Variants in NFATC2 observed in about 807,000 individuals in gnomAD.
The protein encoded by NFATC2 is nuclear factor of activated T cells 2, also known as nuclear factor of activated T-cells, cytoplasmic 2.
Under a neutral mutation model 87.3 loss-of-function variants are expected in NFATC2, and 22 were observed. The observed-to-expected ratio is 0.25, with a 90% CI of 0.18 to 0.36. The LOEUF is 0.36. Ranked by LOEUF, NFATC2 falls within the 10% of genes least tolerant of loss-of-function variation. The pLI, the probability that NFATC2 is intolerant of heterozygous loss-of-function variation, is 1.00. For synonymous variants in NFATC2, 565 were observed against 542.2 expected (o/e 1.04, Z -0.58); for missense variants, 1,149 against 1,259.1 (o/e 0.91, Z 1.32).
Position 51,432,795 on chromosome 20 carries a change from G to A in NFATC2, c.2033-39C>T, listed in dbSNP as rs1568970129. 3 of 1,506,398 alleles carry A rather than the reference G, an allele frequency of 2.0e-6. No individual in the cohort carries two copies. The highest frequency in any genetic ancestry group is 2.6e-6 in the Non-Finnish European group (3 of 1,133,338). The allele number at this position is 1,506,398 out of a possible 1,614,324, so 93.3% of individuals were successfully genotyped here. A position where few individuals can be genotyped will look rare whatever the true frequency, so the allele number is the denominator to read the frequency against. ...AGAGCACATAGGGGCGCCCATGGCA[G>A]TGAGCCACGGATGTGCACGGAGGAT... is the stretch of plus-strand genomic sequence containing the variant. On this transcript the variant is annotated intron_variant, in intron 8 of 10. Coordinates refer to ENST00000371564, the MANE Select transcript of NFATC2 (RefSeq NM_012340.5). The surrounding 1 kb of genome is among the most constrained non-coding windows in gnomAD (Gnocchi z 4.6).
At chr20:51,434,607 A>G (rs1466236434) in intron 8 of NFATC2, among the ~76,000 whole-genome samples, 1 of 152,242 alleles carries the variant, frequency 6.6e-6, no homozygotes, top group Non-Finnish European at 1.5e-5. Flanking sequence ...CTTACCCTGT[A>G]GTGTTCACAG....
At chr20:51,554,821 G>A (rs1202803468) in intron 1 of NFATC2, among the ~76,000 whole-genome samples, 1 of 152,186 alleles carries the variant, frequency 6.6e-6, no homozygotes, top group Non-Finnish European at 1.5e-5. Context: ...TCTGGATCAA[G>A]ATGAAACCCA....
At chr20:51,518,825 T>C (rs967595919) in intron 2 of NFATC2, among the ~76,000 whole-genome samples, 5 of 152,218 alleles carry the variant, frequency 3.3e-5, no homozygotes, top group African/African-American at 1.2e-4. Flanking sequence ...TTTTAAAATA[T>C]GGGCTCTTGC....
intron 8 of NFATC2, among the ~76,000 whole-genome samples, chr20:51,433,316 C>G (rs1983052310): frequency 6.6e-6 from 1 of 152,168 alleles, no homozygotes; most frequent in South Asian, 2.1e-4. Context: ...ACAAAGGAAT[C>G]AGCAAAGTGA....
At chr20:51,416,381 T>C (rs1339933461) in intron 9 of NFATC2, among the ~76,000 whole-genome samples, 2 of 152,120 alleles carry the variant, frequency 1.3e-5, no homozygotes, top group Non-Finnish European at 2.9e-5. Context: ...TCTGCCTGGG[T>C]AGGGCACAGC....
chr20:51,501,766 A>G (rs550705516), intron 3 of NFATC2, among the ~76,000 whole-genome samples: 3 of 152,116 alleles, frequency 2.0e-5, no homozygotes, highest in Non-Finnish European at 4.4e-5. Context: ...CCTCCACGAG[A>G]GCTCGGGATT....
chr20:51,431,315 C>A (rs551937678), intron 9 of NFATC2, among the ~76,000 whole-genome samples: 4 of 152,184 alleles, frequency 2.6e-5, no homozygotes, highest in Admixed American at 6.5e-5. Context: ...CTTAGCAATG[C>A]GGTTTGTCCT....
chr20:51,546,500 T>C (rs2146821293), upstream of NFATC2, among the ~76,000 whole-genome samples: 1 of 152,334 alleles, frequency 6.6e-6, no homozygotes, highest in South Asian at 2.1e-4. Flanking sequence ...GATGGTGATC[T>C]TCACAGGGCA....
intron 9 of NFATC2, among the ~76,000 whole-genome samples, chr20:51,428,511 G>A (rs899717542): frequency 6.6e-6 from 1 of 152,218 alleles, no homozygotes; most frequent in African/African-American, 2.4e-5. Flanking sequence ...CAAGCCAGCC[G>A]GCGTCTGTGT....
intron 6 of NFATC2, among the ~76,000 whole-genome samples, chr20:51,438,648 G>A (rs1983912424): frequency 6.6e-6 from 1 of 152,174 alleles, no homozygotes; most frequent in Non-Finnish European, 1.5e-5. Flanking sequence ...ACCAAGAGGA[G>A]AGTTCTCATG....
At chr20:51,397,385 G>C (rs1038652295) in intron 10 of NFATC2, among the ~76,000 whole-genome samples, 1 of 152,148 alleles carries the variant, frequency 6.6e-6, no homozygotes, top group Non-Finnish European at 1.5e-5. Flanking sequence ...CAGAGCTGTG[G>C]GTGGGGTCTG....
intron 9 of NFATC2, among the ~76,000 whole-genome samples, chr20:51,407,833 A>G (rs1978565848): frequency 1.3e-5 from 2 of 152,244 alleles, no homozygotes; most frequent in African/African-American, 4.8e-5. Context: ...AAGAAGGAGA[A>G]ATTGTTTCTT....
chr20:51,393,956 C>T (rs920837365), intron 10 of NFATC2, among the ~76,000 whole-genome samples: 1 of 152,020 alleles, frequency 6.6e-6, no homozygotes, highest in African/African-American at 2.4e-5. Context: ...TTTCCCTCTT[C>T]TTGGATGGAA....
In NFATC2 at chr20:51,431,052, G is replaced by C. The variant is rs142064279; in HGVS notation, c.2722+1015C>G. On this transcript the variant is annotated intron_variant, in intron 9 of 10. Transcript: ENST00000371564. ...AGTGTCATGGGCTTTGCAACTCGAT[G>C]GATAAACGCTTGAGGGGATGGATAC... 1.3e-4 allele frequency among the ~76,000 whole-genome samples: 20 copies of C among 152,224 alleles called. No individual in the cohort carries two copies. The East Asian group carries it at 2.7e-3, about 21-fold the overall frequency.
Position 51,390,929 on chromosome 20 carries a change from C to T in NFATC2, c.*567G>A, listed in dbSNP as rs1039983929. ...GCCTGTAAGCTGGGCTCTTGGGTCA[C>T]GTTCCTTTGGTTGCTCTGAGAACTC... On this transcript the variant is annotated 3_prime_UTR_variant, in exon 11 of 11. Transcript: ENST00000371564. 6 of 222,442 alleles carry T rather than the reference C, an allele frequency of 2.7e-5. No individual in the cohort carries two copies. Among genetic ancestry groups the T allele is most frequent in the Admixed American group, 5.1e-5 (1 of 19,692 alleles). 13.8% of individuals were successfully genotyped at this position (222,442 alleles called of 1,614,324 possible).
At chr20:51,483,612 C>A (rs1264226715) in intron 3 of NFATC2, among the ~76,000 whole-genome samples, 2 of 149,292 alleles carry the variant, frequency 1.3e-5, no homozygotes, top group Non-Finnish European at 3.0e-5. Context: ...CCTCTCCCCC[C>A]CACCACACAC....
At chr20:51,433,795 G>A (rs566091318) in intron 8 of NFATC2, among the ~76,000 whole-genome samples, 2 of 151,600 alleles carry the variant, frequency 1.3e-5, no homozygotes, top group Admixed American at 1.3e-4. Context: ...GTGTTGTGGT[G>A]GGGGACCTCC....
In NFATC2 at chr20:51,432,504, A is replaced by C; in HGVS notation, c.2285T>G (p.Leu762Arg). ...GAGGGCCGGCTGCTGATAGCCCAGC[A>C]GGCTGGGGCTCAGGCTCTTGCTCCG... Reference protein sequence around the residue: ...YQRSKSLSPSLLGYQQPALMA... With the variant: ...YQRSKSLSPSRLGYQQPALMA... Residue 762 changes from leucine to arginine, a missense_variant, in exon 9 of 11, where the codon CTG (leucine) becomes CGG (arginine). Leu to Arg is a moderately radical substitution (Grantham distance 102). Around this residue, in one of 3 missense-constraint regions of NFATC2, gnomAD observed 581 missense variants for 649.7 expected, o/e 0.89. Coordinates refer to ENST00000371564, the MANE Select transcript of NFATC2 (RefSeq NM_012340.5). The surrounding 1 kb of genome is among the most constrained non-coding windows in gnomAD (Gnocchi z 4.6). 6.4e-7 allele frequency: 1 copy of C among 1,555,488 alleles called. No homozygotes were observed. Among genetic ancestry groups the C allele is most frequent in the Non-Finnish European group, 8.7e-7 (1 of 1,151,962 alleles).
chr20:51,426,726 C>T (rs1488438176), intron 9 of NFATC2, among the ~76,000 whole-genome samples: 1 of 152,084 alleles, frequency 6.6e-6, no homozygotes. Flanking sequence ...AAAAAGGCAA[C>T]ATGAATCTCT....
Sources: gnomAD v4.1 joint callset for allele counts (sites outside exome capture counted in the v4.1 genomes callset) on GRCh38, gnomAD v4.1.1 for gene constraint, gnomAD v4.1.1 regional missense constraint, Gnocchi (gnomAD v3.1) non-coding constraint, MANE v1.5 for transcripts, NCBI Gene and HGNC (gene_info 2026-07-23, HGNC 2026-07-21) for gene names.